RBM18: variants seen among roughly 807,000 people sequenced by gnomAD.
The protein encoded by RBM18 is RNA binding motif protein 18.
In RBM18, 18 loss-of-function variants were observed where a neutral mutation model predicts 26.4. That is an observed-to-expected ratio of 0.68 (90% CI 0.47 to 1.01). RBM18 has a LOEUF of 1.01. RBM18 is among the 50% of genes least tolerant of loss of function. The pLI is 0.00. For synonymous variants in RBM18, 74 were observed against 81.1 expected (o/e 0.91, Z 0.47); for missense variants, 180 against 219.2 (o/e 0.82, Z 1.13).
chr9:122,255,037 G>A (rs1309596180), intron 2 of RBM18, among the ~76,000 whole-genome samples: 1 of 152,208 alleles, frequency 6.6e-6, no homozygotes, highest in African/African-American at 2.4e-5. Context: ...AAGGTAGGCA[G>A]AGGACAGGTT....
chr9:122,251,370 T>C (rs145800310), intron 3 of RBM18, among the ~76,000 whole-genome samples: 1,874 of 152,322 alleles, frequency 0.012, 23 homozygotes, highest in South Asian at 0.04. Context: ...ATATCATGGT[T>C]GAAGGTGAAT....
chr9:122,248,571 T>A (rs992135877), intron 3 of RBM18, among the ~76,000 whole-genome samples: 1 of 152,140 alleles, frequency 6.6e-6, no homozygotes, highest in African/African-American at 2.4e-5. Flanking sequence ...ATGCACCTGG[T>A]TTTCAGAGCC....
intron 2 of RBM18, among the ~76,000 whole-genome samples, chr9:122,253,947 G>T (rs968228912): frequency 6.6e-6 from 1 of 150,770 alleles, no homozygotes; most frequent in African/African-American, 2.4e-5. Context: ...AGAATCACTT[G>T]AATCCGGGAG....
rs1331471002 is a variant in RBM18 at position 122,240,182 on chromosome 9, T to C, written c.*1702A>G. 6.6e-6 allele frequency: 1 copy of C among 152,236 alleles called. No individual in the cohort carries two copies. Among genetic ancestry groups the C allele is most frequent in the Admixed American group, 6.5e-5 (1 of 15,284 alleles). 9.4% of individuals were successfully genotyped at this position (152,236 alleles called of 1,614,324 possible). A position where few individuals can be genotyped will look rare whatever the true frequency, so the allele number is the denominator to read the frequency against. ...AGACTATTTTGCACTATGTAAGTTC[T>C]AGTCCACCATAATCCTTTGAAGACT... On this transcript the variant is annotated 3_prime_UTR_variant, in exon 6 of 6. Transcript: ENST00000417201.
intron 4 of RBM18, among the ~76,000 whole-genome samples, chr9:122,245,758 G>C (rs1013508842): frequency 2.6e-5 from 4 of 151,940 alleles, no homozygotes; most frequent in Non-Finnish European, 5.9e-5. Context: ...TGGGCAGATT[G>C]CTTGAGCTCA....
chr9:122,261,384 T>C lies in RBM18; in HGVS notation c.109A>G (p.Thr37Ala). ...ACTAAGGTAACTTAGACTTACTCGG[T>C]AATTTTGGGGTCCAGGTTGCCAATC... ...LWIGNLDPKITEYHLLKLLQK... is the reference protein window; with the variant it reads ...LWIGNLDPKIAEYHLLKLLQK... Residue 37 changes from threonine (T) to alanine (A), a missense_variant, in exon 2 of 6, where the codon ACC becomes GCC. Around this residue, in one of 3 missense-constraint regions of RBM18, gnomAD observed 49 missense variants for 56.6 expected, o/e 0.87. Transcript: ENST00000417201. 1 of 1,609,222 alleles carries C rather than the reference T, an allele frequency of 6.2e-7. No homozygotes were observed. Among genetic ancestry groups the C allele is most frequent in the Non-Finnish European group, 8.5e-7 (1 of 1,175,526 alleles).
rs551867294 is a variant in RBM18 at position 122,251,439 on chromosome 9, T to C, written c.240+408A>G. On this transcript the variant is annotated intron_variant, in intron 3 of 5. Transcript: ENST00000417201. ...TTTGTTCTGAGACCTTGAGAAGAAA[T>C]AACAAAAGAGTCTTTGTGGGTGTCT... 8.4e-4 allele frequency among the ~76,000 whole-genome samples: 128 copies of C among 152,302 alleles called. 1 individual carries two copies. In the South Asian group the frequency reaches 0.025, roughly 30 times the overall value.
At chr9:122,252,298 T>C (rs1357950091) in intron 2 of RBM18, among the ~76,000 whole-genome samples, 3 of 152,272 alleles carry the variant, frequency 2.0e-5, no homozygotes, top group Non-Finnish European at 2.9e-5. Flanking sequence ...TAGTGTTGAT[T>C]TATTTATTTT....
intron 2 of RBM18, among the ~76,000 whole-genome samples, chr9:122,260,591 T>C (rs1831776194): frequency 6.6e-6 from 1 of 152,220 alleles, no homozygotes; most frequent in Non-Finnish European, 1.5e-5. Context: ...AAGGTACTTC[T>C]GTCTTTCGGG....
intron 2 of RBM18, among the ~76,000 whole-genome samples, chr9:122,258,379 C>T (rs1831731863): frequency 6.6e-6 from 1 of 152,092 alleles, no homozygotes; most frequent in South Asian, 2.1e-4. Context: ...AGTGATTCTC[C>T]TGCCTCAGCC....
At chr9:122,262,869 G>C (rs533770196) in intron 1 of RBM18, among the ~76,000 whole-genome samples, 11 of 152,292 alleles carry the variant, frequency 7.2e-5, no homozygotes, top group African/African-American at 2.6e-4. Flanking sequence ...ACAGGTGTGA[G>C]CCACCATGCC....
intron 1 of RBM18, among the ~76,000 whole-genome samples, chr9:122,262,082 A>G (rs1023476155): frequency 2.0e-5 from 3 of 152,130 alleles, no homozygotes; most frequent in Non-Finnish European, 4.4e-5. Flanking sequence ...CATTATCTAG[A>G]GAGATAATAG....
Position 122,241,139 on chromosome 9 carries a change from T to C in RBM18, c.*745A>G, listed in dbSNP as rs1831409209. The C allele has an allele frequency of 6.6e-6, 1 of 152,228 alleles. No individual in the cohort carries two copies. The allele number at this position is 152,228 out of a possible 1,614,324, so 9.4% of individuals were successfully genotyped here. On this transcript the variant is annotated 3_prime_UTR_variant, in exon 6 of 6. Transcript: ENST00000417201. Reference sequence around the variant, plus strand: ...GCAACATTTGTTATTATAGAAGGCATGGTTATTTAGATTTGAAAAAAATGG... The same window carrying C: ...GCAACATTTGTTATTATAGAAGGCACGGTTATTTAGATTTGAAAAAAATGG...
Position 122,238,944 on chromosome 9 carries a change from T to C in RBM18, c.*2940A>G, listed in dbSNP as rs1391193687. ...TGGAAGGTAGAGTTGACAGGATTTGTTGAAGAACTAGATAGGAGCTGGAGA... is the reference window on the plus strand; with the variant it reads ...TGGAAGGTAGAGTTGACAGGATTTGCTGAAGAACTAGATAGGAGCTGGAGA... On this transcript the variant is annotated 3_prime_UTR_variant, in exon 6 of 6. Transcript: ENST00000417201. 4 of 152,158 alleles carry C rather than the reference T, an allele frequency of 2.6e-5. No individual in the cohort carries two copies. Among genetic ancestry groups the C allele is most frequent in the African/African-American group, 4.8e-5 (2 of 41,420 alleles). 9.4% of individuals were successfully genotyped at this position (152,158 alleles called of 1,614,324 possible).
Position 122,245,265 on chromosome 9 carries a change from G to C in RBM18, c.404C>G (p.Ser135Cys), listed in dbSNP as rs1234407611. The change falls in exon 5 of 6, where the codon TCT (serine) becomes TGT (cysteine). Residue 135 changes from serine (S) to cysteine (C), a missense_variant. Ser to Cys is a moderately radical substitution (Grantham distance 112). Around this residue, in one of 3 missense-constraint regions of RBM18, gnomAD observed 103 missense variants for 102.8 expected, o/e 1.00. Coordinates refer to ENST00000417201, the MANE Select transcript of RBM18 (RefSeq NM_033117.4). ...TAGTACATCATCTTACCTTAGGTTAGACTGAGTAGGCTCAGTGCTTGAGGA... is the reference window on the plus strand; with the variant it reads ...TAGTACATCATCTTACCTTAGGTTACACTGAGTAGGCTCAGTGCTTGAGGA... The part of the protein sequence containing the change: ...EPSSSTEPTQ[S>C]NLSVTAKIKA... 1.9e-6 allele frequency: 3 copies of C among 1,589,716 alleles called. No homozygotes were observed. The highest frequency in any genetic ancestry group is 2.6e-6 in the Non-Finnish European group (3 of 1,157,970).
intron 3 of RBM18, 67 bp from the exon 4 acceptor site, chr9:122,247,671 A>G (rs1588379927): frequency 9.2e-6 from 11 of 1,200,026 alleles, no homozygotes; most frequent in Non-Finnish European, 1.4e-5. Flanking sequence ...GTATTCTCAC[A>G]GGGCTTCACT....
At chr9:122,246,371 T>C (rs1277177714) in intron 4 of RBM18, among the ~76,000 whole-genome samples, 1 of 152,134 alleles carries the variant, frequency 6.6e-6, no homozygotes, top group African/African-American at 2.4e-5. Flanking sequence ...GAGCCTCTGG[T>C]CAAAAAAGAT....
chr9:122,237,706 A>G lies in RBM18; in HGVS notation c.*4178T>C, dbSNP rs1411742248. ...TAGAAAACACATTTCCAGTCATGGA[A>G]TATTGTTTAGAGTAGGGTTTGGCAA... is the stretch of plus-strand genomic sequence containing the variant. On this transcript the variant is annotated 3_prime_UTR_variant, in exon 6 of 6. Coordinates refer to ENST00000417201, the MANE Select transcript of RBM18 (RefSeq NM_033117.4). 1.3e-5 allele frequency: 2 copies of G among 152,226 alleles called. No homozygotes were observed. Among genetic ancestry groups the G allele is most frequent in the African/African-American group, 4.8e-5 (2 of 41,456 alleles). 9.4% of individuals were successfully genotyped at this position (152,226 alleles called of 1,614,324 possible).
intron 2 of RBM18, among the ~76,000 whole-genome samples, chr9:122,259,368 T>C (rs947019640): frequency 7.2e-5 from 11 of 152,100 alleles, no homozygotes; most frequent in African/African-American, 2.4e-4. Flanking sequence ...TTTTGGATGA[T>C]GGAAAAAATT....
Sources: allele counts gnomAD v4.1 joint callset (sites outside exome capture counted in the v4.1 genomes callset), GRCh38; gene constraint gnomAD v4.1.1; regional missense constraint gnomAD v4.1.1; transcripts MANE v1.5; gene names NCBI Gene and HGNC (gene_info 2026-07-23, HGNC 2026-07-21).